The following GPR158 variants were observed in gnomAD, a reference collection of about 807,000 sequenced individuals.
GPR158 encodes the protein metabotropic glycine receptor.
Under a neutral mutation model 78.2 loss-of-function variants are expected in GPR158, and 30 were observed. The observed-to-expected ratio is 0.38, with a 90% confidence interval of 0.29 to 0.52. The LOEUF is 0.52. GPR158 is among the 20% of genes least tolerant of loss of function. GPR158 has a pLI of 0.83. For missense variants in GPR158, 1,463 were observed against 1,523.5 expected (o/e 0.96, Z 0.66); for synonymous variants, 581 against 591.1 (o/e 0.98, Z 0.25).
At chr10:25,311,420 AT>A (rs1160664688) in intron 2 of GPR158, among the ~76,000 whole-genome samples, 1 of 151,748 alleles carries the variant, frequency 6.6e-6, no homozygotes, top group Non-Finnish European at 1.5e-5. Context: ...TCTATTTTCT[AT>A]TTTTTATTGT....
intron 2 of GPR158, among the ~76,000 whole-genome samples, chr10:25,360,926 C>T (rs1295025804): frequency 6.6e-6 from 1 of 151,994 alleles, no homozygotes; most frequent in Non-Finnish European, 1.5e-5. Flanking sequence ...TTTGTGTCCT[C>T]TCTTATTTCG....
intron 1 of GPR158, among the ~76,000 whole-genome samples, chr10:25,178,380 G>A (rs553839666): frequency 7.9e-5 from 12 of 152,234 alleles, no homozygotes; most frequent in African/African-American, 1.9e-4. Flanking sequence ...TTCAAGGGCC[G>A]CTGTGGAACT....
At chr10:25,496,077 A>C (rs1835877171) in intron 5 of GPR158, among the ~76,000 whole-genome samples, 1 of 152,096 alleles carries the variant, frequency 6.6e-6, no homozygotes, top group Non-Finnish European at 1.5e-5. Context: ...GGCAAAAATT[A>C]CTCCTGGTTA....
intron 6 of GPR158, among the ~76,000 whole-genome samples, chr10:25,554,498 C>T (rs1836763341): frequency 6.6e-6 from 1 of 152,048 alleles, no homozygotes. Context: ...TTGAAACAAA[C>T]ATGAAAGAGG....
chr10:25,319,285 G>A (rs894091634), intron 2 of GPR158, among the ~76,000 whole-genome samples: 1 of 152,248 alleles, frequency 6.6e-6, no homozygotes, highest in Non-Finnish European at 1.5e-5. Context: ...AGACACTTCT[G>A]TCATCACACT....
At chr10:25,464,639 A>G (rs1184202610) in intron 4 of GPR158, among the ~76,000 whole-genome samples, 2 of 152,186 alleles carry the variant, frequency 1.3e-5, no homozygotes, top group Non-Finnish European at 2.9e-5. Context: ...GTTATTTCAT[A>G]ATTCAAATTG....
intron 7 of GPR158, among the ~76,000 whole-genome samples, chr10:25,575,747 A>G (rs977716115): frequency 4.6e-5 from 7 of 151,800 alleles, no homozygotes; most frequent in African/African-American, 1.7e-4. Context: ...CTCTTTTCAT[A>G]CCTCCAAACT....
intron 4 of GPR158, among the ~76,000 whole-genome samples, chr10:25,455,681 T>C (rs900490814): frequency 2.0e-5 from 3 of 152,180 alleles, no homozygotes; most frequent in African/African-American, 7.2e-5. Flanking sequence ...TTGAAAATCG[T>C]TACTTACTCA....
At chr10:25,435,883 G>C (rs1426075228) in intron 4 of GPR158, among the ~76,000 whole-genome samples, 2 of 152,160 alleles carry the variant, frequency 1.3e-5, no homozygotes, top group Non-Finnish European at 2.9e-5. Flanking sequence ...TGGCTAACTG[G>C]AAGATACATT....
chr10:25,550,443 G>A (rs1378937474), intron 5 of GPR158, among the ~76,000 whole-genome samples: 1 of 152,110 alleles, frequency 6.6e-6, no homozygotes, highest in Non-Finnish European at 1.5e-5. Context: ...TTTCAGACGG[G>A]GGAAAGGGAT....
intron 5 of GPR158, among the ~76,000 whole-genome samples, chr10:25,535,683 T>C (rs183589553): frequency 6.6e-6 from 1 of 152,320 alleles, no homozygotes; most frequent in East Asian, 1.9e-4. Context: ...TATATACAAG[T>C]AGATAATGAA....
In GPR158 at chr10:25,599,152, T is replaced by C. The variant is rs1324338276; in HGVS notation, c.3526T>C (p.Phe1176Leu). The change falls in exon 11 of 11, where the codon TTT (phenylalanine) becomes CTT (leucine). Residue 1176 changes from phenylalanine to leucine, a missense_variant. By Grantham distance (22) the Phe-to-Leu change is conservative (BLOSUM62 0). Transcript: ENST00000376351. ...TSRAEVCPWE[F>L]ETPAQPNAGR... Reference sequence around the variant, plus strand: ...ACGAGCAGAGGTTTGTCCTTGGGAGTTTGAGACCCCAGCTCAACCAAATGC... The same window carrying C: ...ACGAGCAGAGGTTTGTCCTTGGGAGCTTGAGACCCCAGCTCAACCAAATGC... The C allele has an allele frequency of 6.2e-7, 1 of 1,611,004 alleles. No individual in the cohort carries two copies. Among genetic ancestry groups the C allele is most frequent in the Non-Finnish European group, 8.5e-7 (1 of 1,179,964 alleles).
chr10:25,252,387 A>G (rs796824055), intron 2 of GPR158, among the ~76,000 whole-genome samples: 48 of 151,444 alleles, frequency 3.2e-4, no homozygotes, highest in African/African-American at 1.1e-3. Flanking sequence ...GAGGAGAGGC[A>G]CTCTGATTTT....
chr10:25,206,974 C>G (rs1564391303), intron 1 of GPR158, among the ~76,000 whole-genome samples: 2 of 151,152 alleles, frequency 1.3e-5, no homozygotes, highest in Non-Finnish European at 2.9e-5. Context: ...TGTGTCAGTT[C>G]CCACTTTTGC....
At chr10:25,294,791 C>T (rs138564507) in intron 2 of GPR158, among the ~76,000 whole-genome samples, 1 of 135,126 alleles carries the variant, frequency 7.4e-6, no homozygotes, top group Non-Finnish European at 1.6e-5. Context: ...CATTGATACT[C>T]TGTTTGCCTT....
At position 25,181,331 on chromosome 10, in the gene GPR158, A is replaced by T. The variant is rs550062627; in HGVS notation, c.902+5009A>T. 6.6e-5 allele frequency among the ~76,000 whole-genome samples: 10 copies of T among 152,374 alleles called. No individual in the cohort carries two copies. In the South Asian group the frequency reaches 2.1e-3, roughly 32 times the overall value. On this transcript the variant is annotated intron_variant, in intron 1 of 10. Transcript: ENST00000376351. ...TGTAAAAACTAAATGAAGAACTGTC[A>T]TCACATAGGAAGTTTAGTAAATATT... is the stretch of plus-strand genomic sequence containing the variant.
intron 5 of GPR158, among the ~76,000 whole-genome samples, chr10:25,515,711 A>G (rs752589558): frequency 0.036 from 5,291 of 147,752 alleles, 126 homozygotes; most frequent in Non-Finnish European, 0.055. Flanking sequence ...ATCCTTTTTT[A>G]TGGCTGCATA....
chr10:25,419,778 C>T (rs1432662965), intron 4 of GPR158, among the ~76,000 whole-genome samples: 1 of 152,064 alleles, frequency 6.6e-6, no homozygotes, highest in Non-Finnish European at 1.5e-5. Flanking sequence ...AACATCTTTT[C>T]ATGTGCCATG....
chr10:25,578,274 T>A (rs963409528), intron 7 of GPR158, among the ~76,000 whole-genome samples: 6 of 152,240 alleles, frequency 3.9e-5, no homozygotes, highest in Admixed American at 2.0e-4. Flanking sequence ...TTCAGACTTA[T>A]CCCTGACACC....
Sources: gnomAD v4.1 joint callset for allele counts (sites outside exome capture counted in the v4.1 genomes callset) on GRCh38, gnomAD v4.1.1 for gene constraint, MANE v1.5 for transcripts, NCBI Gene and HGNC (gene_info 2026-07-23, HGNC 2026-07-21) for gene names.